The following GCSAML variants were observed in gnomAD, a reference collection of about 807,000 sequenced individuals.
GCSAML encodes germinal center-associated signaling and motility-like protein.
Under a neutral mutation model 13.0 loss-of-function variants are expected in GCSAML, and 9 were observed. The observed-to-expected ratio is 0.69, with a 90% CI of 0.42 to 1.21. The LOEUF is 1.21. GCSAML is among the 50% of genes most tolerant of loss of function. The pLI is 0.00. For synonymous variants in GCSAML, 37 were observed against 52.9 expected (o/e 0.70, Z 1.31); for missense variants, 143 against 153.4 (o/e 0.93, Z 0.36).
At chr1:247,535,499 A>G (rs966706329) in intron 2 of GCSAML, among the ~76,000 whole-genome samples, 8 of 152,246 alleles carry the variant, frequency 5.3e-5, no homozygotes, top group Admixed American at 6.5e-5. Flanking sequence ...CTGAAAAACA[A>G]CAGGTTAAAC....
intron 4 of GCSAML, among the ~76,000 whole-genome samples, chr1:247,570,323 C>T (rs987108287): frequency 2.6e-5 from 4 of 151,968 alleles, no homozygotes; most frequent in Admixed American, 6.6e-5. Context: ...AGATCTTTCC[C>T]GCTTTCTTCT....
intron 3 of GCSAML, 146 bp from the exon 4 acceptor site, chr1:247,565,785 G>A (rs1668326955): frequency 4.8e-6 from 3 of 629,844 alleles, no homozygotes; most frequent in East Asian, 3.1e-5. Flanking sequence ...ATGGGGCAAT[G>A]TCATGTCAGA....
intron 1 of GCSAML, among the ~76,000 whole-genome samples, chr1:247,554,276 T>C (rs911074017): frequency 5.9e-5 from 9 of 152,182 alleles, no homozygotes; most frequent in African/African-American, 1.7e-4. Flanking sequence ...TAAGCCATAA[T>C]GTTTATTATA....
intron 2 of GCSAML, among the ~76,000 whole-genome samples, chr1:247,535,707 A>T (rs1195614542): frequency 6.6e-6 from 1 of 152,218 alleles, no homozygotes; most frequent in African/African-American, 2.4e-5. Flanking sequence ...CTACTTCTAG[A>T]AATGTTTAGT....
chr1:247,511,887 G>A (rs534004204), intron 1 of GCSAML, among the ~76,000 whole-genome samples: 207 of 152,330 alleles, frequency 1.4e-3, no homozygotes, highest in African/African-American at 4.6e-3. Context: ...CTGTTAGTCT[G>A]ATGGGCTTCC....
chr1:247,555,760 C>T (rs1047241710), intron 1 of GCSAML, among the ~76,000 whole-genome samples: 1 of 152,134 alleles, frequency 6.6e-6, no homozygotes, highest in Non-Finnish European at 1.5e-5. Context: ...TTTGATTAAC[C>T]AAGTCACAAA....
chr1:247,539,675 C>G (rs898636776), intron 2 of GCSAML, among the ~76,000 whole-genome samples: 7 of 152,082 alleles, frequency 4.6e-5, no homozygotes, highest in African/African-American at 1.7e-4. Context: ...AAACATTGAC[C>G]CCTCTCATTT....
At chr1:247,513,112 C>A (rs139920895) in intron 1 of GCSAML, among the ~76,000 whole-genome samples, 1 of 152,182 alleles carries the variant, frequency 6.6e-6, no homozygotes, top group Non-Finnish European at 1.5e-5. Flanking sequence ...TGCCCATAGC[C>A]GCCCCTTCCC....
chr1:247,543,543 C>G (rs746343998), intron 2 of GCSAML, among the ~76,000 whole-genome samples: 4 of 151,992 alleles, frequency 2.6e-5, no homozygotes, highest in African/African-American at 7.3e-5. Context: ...ATGGATAAGG[C>G]GGAACACTGT....
At chr1:247,514,012 T>C (rs1467898383) in intron 1 of GCSAML, among the ~76,000 whole-genome samples, 4 of 152,044 alleles carry the variant, frequency 2.6e-5, no homozygotes, top group African/African-American at 9.7e-5. Flanking sequence ...GATGGAGTCT[T>C]GCTCTGTCGC....
chr1:247,516,438 G>A (rs569179397), intron 1 of GCSAML, among the ~76,000 whole-genome samples: 1 of 152,002 alleles, frequency 6.6e-6, no homozygotes, highest in South Asian at 2.1e-4. Flanking sequence ...TGCTGACCTA[G>A]TTTAGTTCTA....
intron 1 of GCSAML, among the ~76,000 whole-genome samples, chr1:247,508,708 C>G (rs1665913208): frequency 6.6e-6 from 1 of 152,060 alleles, no homozygotes; most frequent in South Asian, 2.1e-4. Flanking sequence ...AGGAAGGTGT[C>G]CATTTCAGTT....
intron 2 of GCSAML, chr1:247,533,699 T>A (rs1218785598): frequency 6.6e-6 from 1 of 152,258 alleles, no homozygotes; most frequent in African/African-American, 2.4e-5. Flanking sequence ...CCATATGGCT[T>A]TGAACCTAAG....
At chr1:247,546,650 C>T (rs944579442), upstream of GCSAML, among the ~76,000 whole-genome samples, 17 of 152,040 alleles carry the variant, frequency 1.1e-4, no homozygotes, top group Admixed American at 9.8e-4. Context: ...TGTGAGCCAC[C>T]GCGCCCGGCT....
At chr1:247,557,212 C>A (rs78789435) in intron 2 of GCSAML, among the ~76,000 whole-genome samples, 7,283 of 152,250 alleles carry the variant, frequency 0.048, 235 homozygotes, top group South Asian at 0.1. Context: ...TTTGCTGTGG[C>A]CTTTATCTGA....
At chr1:247,573,502 C>T (rs775983174) in intron 4 of GCSAML, among the ~76,000 whole-genome samples, 1 of 152,180 alleles carries the variant, frequency 6.6e-6, no homozygotes, top group African/African-American at 2.4e-5. Context: ...CTTCTGTTCA[C>T]CCTCTGTGGG....
chr1:247,507,839 A>G (rs1365589849), intron 1 of GCSAML, among the ~76,000 whole-genome samples: 1 of 152,208 alleles, frequency 6.6e-6, no homozygotes, highest in Non-Finnish European at 1.5e-5. Flanking sequence ...TGCAAAGGAC[A>G]TGAACTCATC....
chr1:247,515,054 A>G (rs1461806706), intron 1 of GCSAML, among the ~76,000 whole-genome samples: 1 of 152,194 alleles, frequency 6.6e-6, no homozygotes. Context: ...TTTTGGCAGT[A>G]TGGTCATTTT....
intron 1 of GCSAML, among the ~76,000 whole-genome samples, chr1:247,552,917 G>A (rs1263049118): frequency 2.0e-5 from 3 of 151,954 alleles, no homozygotes; most frequent in East Asian, 1.9e-4. Context: ...CACCATGCCC[G>A]TCTAAGTTTT....
Sources: gnomAD v4.1 joint callset for allele counts (sites outside exome capture counted in the v4.1 genomes callset) on GRCh38, gnomAD v4.1.1 for gene constraint, MANE v1.5 for transcripts, NCBI Gene and HGNC (gene_info 2026-07-23, HGNC 2026-07-21) for gene names.